RBFOX1: variants seen among roughly 807,000 people sequenced by gnomAD.
RBFOX1 encodes RNA binding protein fox-1 homolog 1.
RBFOX1 carries 8 observed loss-of-function variants against 57.7 expected under a neutral mutation model. The ratio of observed to expected loss-of-function variants is 0.14; its 90% CI spans 0.08 to 0.25. The LOEUF (loss-of-function observed/expected upper bound fraction) is 0.25, where lower values mean the gene tolerates loss of function less well. Ranked by LOEUF, RBFOX1 falls within the 10% of genes least tolerant of loss-of-function variation. The probability of loss-of-function intolerance (pLI) is 1.00; values close to 1 mark genes in which losing one functional copy is unlikely to be tolerated. For synonymous variants in RBFOX1, 326 were observed against 222.4 expected (o/e 1.47, Z -4.15); for missense variants, 611 against 548.5 (o/e 1.11, Z -1.14).
At chr16:5,416,255 G>A (rs1488150464) in intron 1 of RBFOX1, among the ~76,000 whole-genome samples, 1 of 152,128 alleles carries the variant, frequency 6.6e-6, no homozygotes, top group East Asian at 1.9e-4. Context: ...ATTTGTCTAC[G>A]GTCACACATT....
intron 4 of RBFOX1, among the ~76,000 whole-genome samples, chr16:7,503,021 T>A (rs1343711303): frequency 6.6e-6 from 1 of 152,062 alleles, no homozygotes; most frequent in East Asian, 1.9e-4. Flanking sequence ...AGACTCTGTC[T>A]CAAAAAAAAT....
At chr16:6,831,397 C>T (rs1052404268) in intron 3 of RBFOX1, among the ~76,000 whole-genome samples, 23 of 152,074 alleles carry the variant, frequency 1.5e-4, no homozygotes, top group South Asian at 2.1e-4. Context: ...GTTGTGTTAC[C>T]TATGCAAAAA....
At position 6,029,791 on chromosome 16, in the gene RBFOX1, A is replaced by AAG. The variant is rs1555478561; in HGVS notation, c.-127+9799_-127+9800insAG. Among the ~76,000 whole-genome samples the AAG allele has an allele frequency of 1.0e-3, 155 of 149,030 alleles. 1 individual carries two copies. The highest frequency in any genetic ancestry group is 8.0e-3 in the East Asian group (40 of 4,996). ...CCGTCTCAAAAAAAAAAAAAAAAAA[A>AAG]GGGGAAAGAAAAACATGTTATTGAA... On this transcript the variant is annotated intron_variant, in intron 1 of 15. Coordinates refer to ENST00000550418, the MANE Select transcript of RBFOX1 (RefSeq NM_018723.4).
intron 4 of RBFOX1, among the ~76,000 whole-genome samples, chr16:5,931,279 C>T (rs1259454042): frequency 6.6e-6 from 1 of 152,056 alleles, no homozygotes; most frequent in African/African-American, 2.4e-5. Flanking sequence ...TCCTATTGAC[C>T]ACCATGGGTC....
At chr16:5,729,587 G>T (rs2052286488) in intron 3 of RBFOX1, among the ~76,000 whole-genome samples, 1 of 151,924 alleles carries the variant, frequency 6.6e-6, no homozygotes, top group Non-Finnish European at 1.5e-5. Flanking sequence ...TTTGTCCAGG[G>T]TACCCAAGAT....
rs1476204894 is a variant in RBFOX1 at position 6,274,660 on chromosome 16, G to A, written c.-126-42335G>A. Among the ~76,000 whole-genome samples the A allele has an allele frequency of 3.9e-5, 6 of 152,098 alleles. No individual in the cohort carries two copies. In the East Asian group the frequency reaches 9.6e-4, roughly 24 times the overall value. On this transcript the variant is annotated intron_variant, in intron 1 of 15. Coordinates refer to ENST00000550418, the MANE Select transcript of RBFOX1 (RefSeq NM_018723.4). ...ACGCAATCCCCTGATATCATACTAT[G>A]GTTTTGAAATCACCCTTGTGGGAGG...
intron 4 of RBFOX1, among the ~76,000 whole-genome samples, chr16:7,517,616 A>T (rs2076655790): frequency 6.6e-6 from 1 of 151,922 alleles, no homozygotes; most frequent in Non-Finnish European, 1.5e-5. Flanking sequence ...CATTAAAAGG[A>T]TACTCCCTAT....
At chr16:5,569,774 C>G (rs764289973) in intron 2 of RBFOX1, among the ~76,000 whole-genome samples, 4 of 152,050 alleles carry the variant, frequency 2.6e-5, no homozygotes, top group Non-Finnish European at 5.9e-5. Flanking sequence ...TTCTGATGGA[C>G]ATCCTGCCGT....
At chr16:7,422,967 C>T (rs558328060) in intron 4 of RBFOX1, 1 of 152,394 alleles carries the variant, frequency 6.6e-6, no homozygotes, top group East Asian at 1.9e-4. Flanking sequence ...TGGAGATATC[C>T]ACTAGTCCTT....
intron 2 of RBFOX1, among the ~76,000 whole-genome samples, chr16:6,543,664 C>G (rs1381757276): frequency 1.3e-5 from 2 of 152,116 alleles, no homozygotes; most frequent in African/African-American, 4.8e-5. Context: ...AAAGAGGCAC[C>G]TTGGCAGGGG....
intron 4 of RBFOX1, among the ~76,000 whole-genome samples, chr16:7,230,876 T>A (rs1567810762): frequency 6.6e-6 from 1 of 152,186 alleles, no homozygotes. Context: ...GGACTATAGT[T>A]CCTCATTTTG....
intron 3 of RBFOX1, among the ~76,000 whole-genome samples, chr16:5,641,104 A>T (rs548051227): frequency 6.7e-6 from 1 of 149,722 alleles, no homozygotes; most frequent in African/African-American, 2.5e-5. Flanking sequence ...ATGCATACAC[A>T]TGCATACACA....
At chr16:5,489,965 C>T (rs1292745928) in intron 2 of RBFOX1, among the ~76,000 whole-genome samples, 2 of 152,224 alleles carry the variant, frequency 1.3e-5, no homozygotes, top group Admixed American at 1.3e-4. Context: ...GGAGGTCAGA[C>T]CCAGGCCTGG....
intron 2 of RBFOX1, among the ~76,000 whole-genome samples, chr16:6,613,377 T>C (rs917933194): frequency 2.0e-5 from 3 of 152,042 alleles, no homozygotes; most frequent in Non-Finnish European, 4.4e-5. Context: ...AAAATCCATA[T>C]GAGAATGCCT....
intron 5 of RBFOX1, among the ~76,000 whole-genome samples, chr16:7,553,784 TA>T (rs919887958): frequency 3.5e-4 from 54 of 152,324 alleles, no homozygotes; most frequent in African/African-American, 1.2e-3. Flanking sequence ...GATGAACTCA[TA>T]AACCAAGGAG....
intron 1 of RBFOX1, among the ~76,000 whole-genome samples, chr16:5,248,191 C>G (rs920868672): frequency 2.6e-5 from 4 of 152,180 alleles, no homozygotes. Flanking sequence ...ATGGTTTCTG[C>G]GAGCACAACA....
At chr16:5,398,068 G>A (rs2066610788) in intron 1 of RBFOX1, among the ~76,000 whole-genome samples, 1 of 151,894 alleles carries the variant, frequency 6.6e-6, no homozygotes, top group Admixed American at 6.6e-5. Context: ...ACCACACGGG[G>A]CTGTGAGAGG....
intron 1 of RBFOX1, among the ~76,000 whole-genome samples, chr16:5,297,519 G>A (rs1044279511): frequency 7.2e-5 from 11 of 151,962 alleles, no homozygotes; most frequent in African/African-American, 1.9e-4. Flanking sequence ...TTTATATACC[G>A]GTGGGTCATT....
intron 1 of RBFOX1, among the ~76,000 whole-genome samples, chr16:6,194,464 C>A (rs752720960): frequency 6.6e-6 from 1 of 152,188 alleles, no homozygotes; most frequent in African/African-American, 2.4e-5. Context: ...CAGGAACACT[C>A]CTTGTTTCTC....
Sources: allele counts gnomAD v4.1 joint callset (sites outside exome capture counted in the v4.1 genomes callset), GRCh38; gene constraint gnomAD v4.1.1; transcripts MANE v1.5; gene names NCBI Gene and HGNC (gene_info 2026-07-23, HGNC 2026-07-21).